Variants in EML5 observed in about 807,000 individuals in gnomAD.
The protein encoded by EML5 is EMAP like 5, also known as echinoderm microtubule-associated protein-like 5.
In EML5, 120 loss-of-function variants were observed where a neutral mutation model predicts 250.0. That is an observed-to-expected ratio of 0.48 (90% CI 0.41 to 0.56). The LOEUF is 0.56. EML5 is among the 20% of genes least tolerant of loss of function. EML5 has a pLI of 0.00. For missense variants in EML5, 2,006 were observed against 2,437.6 expected (o/e 0.82, Z 3.73); for synonymous variants, 771 against 806.5 (o/e 0.96, Z 0.75).
At chr14:88,722,889 A>T (rs2093612627) in intron 8 of EML5, among the ~76,000 whole-genome samples, 1 of 152,194 alleles carries the variant, frequency 6.6e-6, no homozygotes, top group African/African-American at 2.4e-5. Context: ...CTGCACATGT[A>T]CTTTGTAACT....
intron 1 of EML5, among the ~76,000 whole-genome samples, chr14:88,776,914 A>G (rs916074254): frequency 9.9e-5 from 15 of 152,022 alleles, no homozygotes; most frequent in African/African-American, 2.9e-4. Flanking sequence ...AACCAAAACA[A>G]TGAAGTACCC....
At chr14:88,746,126 A>G in intron 3 of EML5, 59 bp downstream of exon 3, 1 of 1,349,514 alleles carries the variant, frequency 7.4e-7, no homozygotes, top group Admixed American at 2.0e-5. Context: ...AATCTCCTGA[A>G]CTCTCTTCTG....
intron 14 of EML5, among the ~76,000 whole-genome samples, chr14:88,700,805 G>A (rs2093192119): frequency 6.6e-6 from 1 of 152,120 alleles, no homozygotes; most frequent in African/African-American, 2.4e-5. Context: ...AAATACAACT[G>A]TGCATCCAAG....
At chr14:88,649,336 T>C (rs1152386) in intron 28 of EML5, among the ~76,000 whole-genome samples, 8,947 of 152,228 alleles carry the variant, frequency 0.059, 701 homozygotes, top group African/African-American at 0.17. Flanking sequence ...ATTACAGGCC[T>C]GAGCCACCGT....
At chr14:88,683,607 A>C (rs2092762886) in intron 20 of EML5, among the ~76,000 whole-genome samples, 1 of 152,218 alleles carries the variant, frequency 6.6e-6, no homozygotes, top group Middle Eastern at 3.2e-3. Flanking sequence ...AACCAAATCC[A>C]ATACACATAA....
chr14:88,616,171 A>T lies in EML5; in HGVS notation c.5868T>A (p.His1956Gln). 6.2e-7 allele frequency: 1 copy of T among 1,613,956 alleles called. No homozygotes were observed. The highest frequency in any genetic ancestry group is 8.5e-7 in the Non-Finnish European group (1 of 1,179,826). The change falls in exon 43 of 44, where the codon CAT (histidine) becomes CAA (glutamine). Residue 1956 changes from histidine to glutamine, a missense_variant. This residue lies in a region of EML5 where 56 missense variants were observed against 55.1 expected (regional missense o/e 1.02). Coordinates refer to ENST00000554922, the MANE Select transcript of EML5 (RefSeq NM_183387.3). ...AGTCATCACCTCCAGCACTAACAAC[A>T]TGTCGATCACCACTGGTAAATCGAA... Reference protein sequence around the residue: ...TNIRFTSGDRHVVSAGGDDCS... With the variant: ...TNIRFTSGDRQVVSAGGDDCS...
At chr14:88,633,385 G>A (rs908262816) in intron 33 of EML5, among the ~76,000 whole-genome samples, 27 of 151,766 alleles carry the variant, frequency 1.8e-4, no homozygotes, top group East Asian at 1.8e-3. Context: ...CAGAGTGCTC[G>A]GATTACAGGT....
chr14:88,734,083 T>A (rs1262632407), intron 7 of EML5, among the ~76,000 whole-genome samples: 1 of 151,344 alleles, frequency 6.6e-6, no homozygotes, highest in Non-Finnish European at 1.5e-5. Context: ...TTAACATCCA[T>A]AATATATAAA....
At chr14:88,629,504 C>T (rs2140451556) in intron 33 of EML5, among the ~76,000 whole-genome samples, 1 of 152,222 alleles carries the variant, frequency 6.6e-6, no homozygotes, top group East Asian at 1.9e-4. Context: ...TTTTCAGGAC[C>T]TCTCGAAGTT....
Position 88,613,702 on chromosome 14 carries a change from G to T in EML5, c.*2116C>A, listed in dbSNP as rs1156941327. ...GCATGGTTGGCGATTGGAAGCAAGG[G>T]TACCAGAGGGCACAGTGTGCTTTGG... is the stretch of plus-strand genomic sequence containing the variant. On this transcript the variant is annotated 3_prime_UTR_variant, in exon 44 of 44. Transcript: ENST00000554922. The T allele has an allele frequency of 6.6e-6, 1 of 152,150 alleles. No individual in the cohort carries two copies. The highest frequency in any genetic ancestry group is 2.4e-5 in the African/African-American group (1 of 41,432). The allele number at this position is 152,150 out of a possible 1,614,324, so 9.4% of individuals were successfully genotyped here. A position where few individuals can be genotyped will look rare whatever the true frequency, so the allele number is the denominator to read the frequency against.
At chr14:88,731,238 G>A (rs2093752928) in intron 7 of EML5, among the ~76,000 whole-genome samples, 1 of 120,810 alleles carries the variant, frequency 8.3e-6, no homozygotes, top group Non-Finnish European at 1.6e-5. Context: ...CCCCATGACA[G>A]GCCCCGGTGT....
rs113185821 is a variant in EML5 at position 88,764,225 on chromosome 14, T to C, written c.198-9554A>G. On this transcript the variant is annotated intron_variant, in intron 1 of 43. Transcript: ENST00000554922. ...TGTAGTTTCCTTTTCTTCAAATGTTTGTCTGGATTTTGTATTAGAGTGATG... is the reference window on the plus strand; with the variant it reads ...TGTAGTTTCCTTTTCTTCAAATGTTCGTCTGGATTTTGTATTAGAGTGATG... Among the ~76,000 whole-genome samples the C allele has an allele frequency of 1.4e-3, 216 of 152,328 alleles. 3 individuals are homozygous for C. The highest frequency in any genetic ancestry group is 2.8e-3 in the Non-Finnish European group (189 of 68,012).
At chr14:88,680,936 A>T (rs1252730169) in intron 21 of EML5, among the ~76,000 whole-genome samples, 1 of 152,182 alleles carries the variant, frequency 6.6e-6, no homozygotes, top group African/African-American at 2.4e-5. Flanking sequence ...ACAAAAAAAC[A>T]AGAAAACATC....
Position 88,705,472 on chromosome 14 carries a change from G to A in EML5, c.1932+10C>T. 6.3e-7 allele frequency: 1 copy of A among 1,576,888 alleles called. No individual in the cohort carries two copies. Among genetic ancestry groups the A allele is most frequent in the Non-Finnish European group, 8.7e-7 (1 of 1,155,458 alleles). On this transcript the variant is annotated intron_variant, in intron 12 of 43. Coordinates refer to ENST00000554922, the MANE Select transcript of EML5 (RefSeq NM_183387.3). ...TTTTTAGAGAAAAACCATGTGATAT[G>A]GAAAATTACCTGTCGACGGTAGGTG...
At position 88,726,464 on chromosome 14, in the gene EML5, A is replaced by G. The variant is rs980946542; in HGVS notation, c.1187+77T>C. 6 of 1,263,670 alleles carry G rather than the reference A, an allele frequency of 4.7e-6. No homozygotes were observed. The African/African-American group carries it at 9.0e-5, about 19-fold the overall frequency. 78.3% of individuals were successfully genotyped at this position (1,263,670 alleles called of 1,614,324 possible). Reference sequence around the variant, plus strand: ...AAACAACAAGTATTATATATTCTGTATCGCTGAAGAGAAAATTACTTATAT... The same window carrying G: ...AAACAACAAGTATTATATATTCTGTGTCGCTGAAGAGAAAATTACTTATAT... On this transcript the variant is annotated intron_variant, in intron 8 of 43. Transcript: ENST00000554922.
chr14:88,758,616 T>C (rs764422094), intron 1 of EML5, among the ~76,000 whole-genome samples: 9 of 152,228 alleles, frequency 5.9e-5, no homozygotes, highest in African/African-American at 2.2e-4. Flanking sequence ...AACCGCTTGG[T>C]AGCTATTCAA....
At chr14:88,689,308 TGTTTTCCGAA>T (rs1330425363) in intron 17 of EML5, among the ~76,000 whole-genome samples, 1 of 148,670 alleles carries the variant, frequency 6.7e-6, no homozygotes, top group Non-Finnish European at 1.5e-5. Flanking sequence ...CTTGCCAAAC[TGTTTTCCGAA>T]GTTTATATAC....
Position 88,685,017 on chromosome 14 carries a change from G to T in EML5, c.2980C>A (p.Gln994Lys). 3 of 1,594,590 alleles carry T rather than the reference G, an allele frequency of 1.9e-6. No individual in the cohort carries two copies. Among genetic ancestry groups the T allele is most frequent in the South Asian group, 2.3e-5 (2 of 85,838 alleles). ...AACAAATTAGCATTTAAAATTACCT[G>T]AACCAGAAGTGTTATTGGGCCACTT... is the stretch of plus-strand genomic sequence containing the variant. The part of the protein sequence containing the change: ...DKSGPITLLV[Q>K]GHMEGEVWGL... Residue 994 changes from glutamine (Q) to lysine (K), a missense_variant and splice_region_variant, in exon 20 of 44, where the codon CAG becomes AAG. Transcript: ENST00000554922.
chr14:88,641,042 C>T (rs985697464), intron 31 of EML5, among the ~76,000 whole-genome samples: 4 of 151,904 alleles, frequency 2.6e-5, no homozygotes, highest in Non-Finnish European at 4.4e-5. Flanking sequence ...CCTAGAAACA[C>T]ACAACCTCTC....
Sources: allele counts gnomAD v4.1 joint callset (sites outside exome capture counted in the v4.1 genomes callset), GRCh38; gene constraint gnomAD v4.1.1; regional missense constraint gnomAD v4.1.1; transcripts MANE v1.5; gene names NCBI Gene and HGNC (gene_info 2026-07-23, HGNC 2026-07-21).